Variants in ADAMTS2 observed in about 807,000 individuals in gnomAD.
The protein encoded by ADAMTS2 is ADAM metallopeptidase with thrombospondin type 1 motif 2, also known as A disintegrin and metalloproteinase with thrombospondin motifs 2.
In ADAMTS2, 50 loss-of-function variants were observed where a neutral mutation model predicts 123.0. The ratio of observed to expected loss-of-function variants is 0.41; its 90% confidence interval spans 0.32 to 0.51. The LOEUF (loss-of-function observed/expected upper bound fraction) is 0.51, where lower values mean the gene tolerates loss of function less well. Among genes scored for constraint, ADAMTS2 ranks in the 20% least tolerant of loss-of-function variants. The pLI, the probability that ADAMTS2 is intolerant of heterozygous loss-of-function variation, is 0.35. For missense variants in ADAMTS2, 1,494 were observed against 1,705.2 expected, an observed-to-expected ratio of 0.88 and a Z score of 2.18; for synonymous variants, 678 against 695.4, an observed-to-expected ratio of 0.98 and a Z score of 0.39.
chr5:179,209,105 G>A (rs758971054), intron 3 of ADAMTS2, among the ~76,000 whole-genome samples: 14 of 152,214 alleles, frequency 9.2e-5, no homozygotes, highest in Admixed American at 2.0e-4. Flanking sequence ...CCCTGCAGGC[G>A]GCACGGCCAC....
rs1765692041 is a variant in ADAMTS2, at chr5:179,242,503, T to C, written c.688+30408A>G. Among the ~76,000 whole-genome samples, 1 of 152,202 alleles carries C rather than the reference T, an allele frequency of 6.6e-6. No homozygotes were observed. The highest frequency in any genetic ancestry group is 1.5e-5 in the Non-Finnish European group (1 of 68,030). On this transcript the variant is annotated intron_variant, in intron 3 of 21. Coordinates refer to ENST00000251582, the MANE Select transcript of ADAMTS2 (RefSeq NM_014244.5). The surrounding 1 kb of genome is among the most constrained non-coding windows in gnomAD (Gnocchi z 4.2). ...GAACAACCATAACTGGTGAAAAGTA[T>C]TGAAAAGTCACCATCAACAACAATT... is the stretch of plus-strand genomic sequence containing the variant.
chr5:179,320,162 T>C (rs1015123393), intron 2 of ADAMTS2, among the ~76,000 whole-genome samples: 11 of 152,196 alleles, frequency 7.2e-5, no homozygotes, highest in African/African-American at 2.7e-4. Context: ...GGAAATTCCC[T>C]CCCGCTCCAT....
rs556169469 is a variant in ADAMTS2, at chr5:179,132,611, T to C, written c.2209+166A>G. Reference sequence around the variant, plus strand: ...CCACCCTGGCACCCAGCTGGGGCTGTCCCCGACTTAGGATTCTCCCTCCCC... The same window carrying C: ...CCACCCTGGCACCCAGCTGGGGCTGCCCCCGACTTAGGATTCTCCCTCCCC... On this transcript the variant is annotated intron_variant, in intron 14 of 21. Transcript: ENST00000251582. The surrounding 1 kb of genome is among the most constrained non-coding windows in gnomAD (Gnocchi z 6.1). Among the ~76,000 whole-genome samples the C allele has an allele frequency of 1.3e-5, 2 of 150,022 alleles. No homozygotes were observed. The highest frequency in any genetic ancestry group is 4.9e-5 in the African/African-American group (2 of 40,856).
At chr5:179,302,854 G>A (rs1317766156) in intron 2 of ADAMTS2, among the ~76,000 whole-genome samples, 1 of 151,816 alleles carries the variant, frequency 6.6e-6, no homozygotes, top group East Asian at 1.9e-4. Flanking sequence ...GAGGACCCGA[G>A]GTCAGAACAG....
At chr5:179,186,531 G>A (rs1441195309) in intron 4 of ADAMTS2, among the ~76,000 whole-genome samples, 2 of 152,174 alleles carry the variant, frequency 1.3e-5, no homozygotes, top group South Asian at 2.1e-4. Flanking sequence ...TCAGGAGGCT[G>A]CAAAATTGCC....
Position 179,132,921 on chromosome 5 carries a change from G to T in ADAMTS2, c.2086-21C>A. ...ACCTTCTGTTGGGGGAGGAGGCAGT[G>T]AGCACTTGAGACGTCCTGCTAGTAG... On this transcript the variant is annotated intron_variant, in intron 13 of 21. Coordinates refer to ENST00000251582, the MANE Select transcript of ADAMTS2 (RefSeq NM_014244.5). This position sits in a 1 kb window ranked among gnomAD's most constrained non-coding sequence, Gnocchi z 6.1. 1 of 1,612,292 alleles carries T rather than the reference G, an allele frequency of 6.2e-7. No individual in the cohort carries two copies. Among genetic ancestry groups the T allele is most frequent in the South Asian group, 1.1e-5 (1 of 90,748 alleles).
chr5:179,301,058 TC>T (rs1179038064), intron 2 of ADAMTS2, among the ~76,000 whole-genome samples: 1 of 151,588 alleles, frequency 6.6e-6, no homozygotes, highest in African/African-American at 2.4e-5. Context: ...GACTCCTCAC[TC>T]TGTCCAAGTG....
intron 2 of ADAMTS2, among the ~76,000 whole-genome samples, chr5:179,284,489 C>T: frequency 6.6e-6 from 1 of 151,852 alleles, no homozygotes; most frequent in East Asian, 1.9e-4. Context: ...CAGGTTCAAG[C>T]AATTCTCCTG....
At chr5:179,135,835 A>G in intron 13 of ADAMTS2, 74 bp downstream of exon 13, 2 of 1,603,750 alleles carry the variant, frequency 1.2e-6, no homozygotes, top group Non-Finnish European at 8.5e-7. Flanking sequence ...CAATACCCCG[A>G]AAAGGGGGAG....
intron 5 of ADAMTS2, among the ~76,000 whole-genome samples, chr5:179,160,156 G>C (rs1407384615): frequency 6.6e-6 from 1 of 152,150 alleles, no homozygotes; most frequent in Non-Finnish European, 1.5e-5. Context: ...TTCTCTTTGT[G>C]TCTATAAATA....
chr5:179,310,926 A>AC (rs1005410505), intron 2 of ADAMTS2, among the ~76,000 whole-genome samples: 1 of 151,604 alleles, frequency 6.6e-6, no homozygotes, highest in South Asian at 2.1e-4. Context: ...AGGGTGCCCA[A>AC]CCCCACCTGC....
intron 4 of ADAMTS2, among the ~76,000 whole-genome samples, chr5:179,206,643 G>T (rs979895856): frequency 2.0e-5 from 3 of 152,088 alleles, no homozygotes; most frequent in Admixed American, 2.0e-4. Flanking sequence ...TCTTTTCCCT[G>T]CAGGACTCAG....
rs779392195 is a variant in ADAMTS2 at position 179,181,101 on chromosome 5, C to G, written c.946G>C (p.Val316Leu). 5 of 1,613,846 alleles carry G rather than the reference C, an allele frequency of 3.1e-6. No homozygotes were observed. The highest frequency in any genetic ancestry group is 8.5e-7 in the Non-Finnish European group (1 of 1,179,978). ...CCATAGCTCAGGAGGATGATCCGCA[C>G]CAGGACCACGTTGATGTGGGCACCC... ...SLGAHINVVL[V>L]RIILLSYGKS... The change falls in exon 5 of 22, where the codon GTG becomes CTG. Residue 316 changes from valine to leucine, a missense_variant. By Grantham distance (32) the Val-to-Leu change is conservative. Coordinates refer to ENST00000251582, the MANE Select transcript of ADAMTS2 (RefSeq NM_014244.5). The surrounding 1 kb of genome is among the most constrained non-coding windows in gnomAD (Gnocchi z 4.1).
At chr5:179,159,299 C>T (rs759928660) in intron 5 of ADAMTS2, among the ~76,000 whole-genome samples, 3 of 152,092 alleles carry the variant, frequency 2.0e-5, no homozygotes, top group Admixed American at 1.3e-4. Context: ...TGGGAGGGTC[C>T]GTGGCAGGGG....
At chr5:179,296,536 G>A (rs575047223) in intron 2 of ADAMTS2, among the ~76,000 whole-genome samples, 5 of 152,184 alleles carry the variant, frequency 3.3e-5, no homozygotes, top group Middle Eastern at 3.2e-3. Context: ...AGCAGGAGGC[G>A]GGAGACAGTG....
rs1486581368 is a variant in ADAMTS2, at chr5:179,175,126, G to A, written c.975+5946C>T. 1.3e-5 allele frequency among the ~76,000 whole-genome samples: 2 copies of A among 150,280 alleles called. No homozygotes were observed. The highest frequency in any genetic ancestry group is 2.5e-5 in the African/African-American group (1 of 40,564). On this transcript the variant is annotated intron_variant, in intron 5 of 21. Transcript: ENST00000251582. This position sits in a 1 kb window ranked among gnomAD's most constrained non-coding sequence, Gnocchi z 4.1. ...GTCTCAGCCATTCTTGACTGTTCATGTTCCTTTGGAGGAAGTCTCTTCCTT... is the reference window on the plus strand; with the variant it reads ...GTCTCAGCCATTCTTGACTGTTCATATTCCTTTGGAGGAAGTCTCTTCCTT...
At chr5:179,329,319 T>C (rs1044849822) in intron 2 of ADAMTS2, among the ~76,000 whole-genome samples, 1 of 120,916 alleles carries the variant, frequency 8.3e-6, no homozygotes, top group African/African-American at 3.4e-5. Context: ...AGAGTGAGAC[T>C]CCGTCTCAAA....
chr5:179,187,586 G>GCCTCC (rs1224996894), intron 4 of ADAMTS2, among the ~76,000 whole-genome samples: 1 of 152,032 alleles, frequency 6.6e-6, no homozygotes, highest in African/African-American at 2.4e-5. Flanking sequence ...CCAGCTAAGG[G>GCCTCC]CCTCCCCTCC....
At chr5:179,252,201 G>A (rs1765943310) in intron 3 of ADAMTS2, among the ~76,000 whole-genome samples, 2 of 151,688 alleles carry the variant, frequency 1.3e-5, no homozygotes, top group African/African-American at 4.8e-5. Context: ...GTAGAGATGG[G>A]GTTTCACCAT....
Sources: gnomAD v4.1 joint callset for allele counts (sites outside exome capture counted in the v4.1 genomes callset) on GRCh38, gnomAD v4.1.1 for gene constraint, Gnocchi (gnomAD v3.1) non-coding constraint, MANE v1.5 for transcripts, NCBI Gene and HGNC (gene_info 2026-07-23, HGNC 2026-07-21) for gene names.